PTPRG: variants seen among roughly 807,000 people sequenced by gnomAD.
PTPRG encodes the protein receptor-type tyrosine-protein phosphatase gamma.
PTPRG carries 102 observed loss-of-function variants against 165.3 expected under a neutral mutation model. That is an observed-to-expected ratio of 0.62 (90% confidence interval 0.53 to 0.73). The LOEUF (loss-of-function observed/expected upper bound fraction) is 0.73, where lower values mean the gene tolerates loss of function less well. PTPRG is among the 30% of genes least tolerant of loss of function. The pLI is 0.00. For synonymous variants in PTPRG, 675 were observed against 669.5 expected (o/e 1.01, Z -0.13); for missense variants, 1,866 against 1,861.4 (o/e 1.00, Z -0.05).
chr3:62,146,101 A>G (rs115612107), intron 6 of PTPRG, among the ~76,000 whole-genome samples: 60 of 152,348 alleles, frequency 3.9e-4, no homozygotes, highest in Admixed American at 2.3e-3. Context: ...GTTCAGTGAT[A>G]ATATTGGGTT....
chr3:61,595,086 C>T (rs532997389), intron 1 of PTPRG, among the ~76,000 whole-genome samples: 4 of 151,502 alleles, frequency 2.6e-5, no homozygotes, highest in Admixed American at 6.6e-5. Context: ...TGACGGTCTA[C>T]GTTCTTTGGT....
intron 4 of PTPRG, among the ~76,000 whole-genome samples, chr3:62,071,342 T>C (rs866793566): frequency 6.6e-6 from 1 of 152,208 alleles, no homozygotes; most frequent in Non-Finnish European, 1.5e-5. Context: ...TACTCTCATG[T>C]TGGGATCATT....
intron 1 of PTPRG, among the ~76,000 whole-genome samples, chr3:61,602,623 T>C (rs1700901024): frequency 6.6e-6 from 1 of 152,170 alleles, no homozygotes; most frequent in Non-Finnish European, 1.5e-5. Context: ...CCAGACACTG[T>C]CTATTACTAT....
In PTPRG at chr3:62,157,201, C is replaced by G. The variant is rs750173117; in HGVS notation, c.817C>G (p.Pro273Ala). The change falls in exon 7 of 30, where the codon CCC becomes GCC. Residue 273 changes from proline to alanine, a missense_variant. Around this residue, in one of 3 missense-constraint regions of PTPRG, gnomAD observed 408 missense variants for 376.2 expected, o/e 1.08. Coordinates refer to ENST00000474889, the MANE Select transcript of PTPRG (RefSeq NM_002841.4). ...EIVEWIVFRR[P>A]VPISYHQLEA... Reference sequence around the variant, plus strand: ...AGTGGAGTGGATAGTCTTCCGGAGACCCGTCCCCATCTCTTACCATCAGGT... The same window carrying G: ...AGTGGAGTGGATAGTCTTCCGGAGAGCCGTCCCCATCTCTTACCATCAGGT... 1.2e-6 allele frequency: 2 copies of G among 1,613,800 alleles called. No homozygotes were observed. Among genetic ancestry groups the G allele is most frequent in the Non-Finnish European group, 1.7e-6 (2 of 1,179,754 alleles).
chr3:61,725,107 T>G (rs1033917550), intron 1 of PTPRG, among the ~76,000 whole-genome samples: 1 of 152,184 alleles, frequency 6.6e-6, no homozygotes, highest in African/African-American at 2.4e-5. Flanking sequence ...AGTTTCATAC[T>G]TTACATTTAA....
intron 2 of PTPRG, among the ~76,000 whole-genome samples, chr3:61,946,741 G>A (rs946603783): frequency 5.3e-5 from 8 of 152,216 alleles, no homozygotes; most frequent in Non-Finnish European, 1.2e-4. Flanking sequence ...GCTCTCTTCT[G>A]TTGCAGAAAT....
chr3:61,731,197 GA>G (rs1468108598), intron 1 of PTPRG, among the ~76,000 whole-genome samples: 5 of 152,096 alleles, frequency 3.3e-5, no homozygotes, highest in Non-Finnish European at 2.9e-5. Flanking sequence ...TAGAAAAAAG[GA>G]AAAGAGAAAA....
chr3:61,969,093 G>A (rs989346254), intron 2 of PTPRG, among the ~76,000 whole-genome samples: 17 of 152,192 alleles, frequency 1.1e-4, no homozygotes, highest in African/African-American at 4.1e-4. Flanking sequence ...TTATGGGAAT[G>A]TAGTACTATA....
At position 62,293,208 on chromosome 3, in the gene PTPRG, T is replaced by C. The variant is rs777054582; in HGVS notation, c.4239T>C (p.Thr1413=). ...IYKAMLSLVS[T]KENGNGPMTV... ...AAGCAATGCTTAGCTTGGTCAGCAC[T>C]AAAGAAAATGGAAATGGTCCCATGA... The change falls in exon 30 of 30, where the codon ACT becomes ACC. Residue 1413 remains threonine (T), a synonymous_variant. Coordinates refer to ENST00000474889, the MANE Select transcript of PTPRG (RefSeq NM_002841.4). 3.1e-6 allele frequency: 5 copies of C among 1,610,662 alleles called. No homozygotes were observed. In the Admixed American group the frequency reaches 5.1e-5, roughly 16 times the overall value.
chr3:62,232,182 T>G (rs1404483921), intron 14 of PTPRG, among the ~76,000 whole-genome samples: 1 of 152,170 alleles, frequency 6.6e-6, no homozygotes, highest in Non-Finnish European at 1.5e-5. Flanking sequence ...AGATGAAATT[T>G]TAGATATCCA....
intron 2 of PTPRG, among the ~76,000 whole-genome samples, chr3:61,915,219 ACT>A (rs558300286): frequency 9.3e-4 from 141 of 152,264 alleles, no homozygotes; most frequent in Admixed American, 1.6e-3. Context: ...ACAGAGTGAG[ACT>A]CTGTCTCAAA....
intron 2 of PTPRG, chr3:61,749,505 T>A (rs2033346629): frequency 9.5e-6 from 2 of 210,628 alleles, no homozygotes; most frequent in South Asian, 1.3e-4. Flanking sequence ...ATTTTTACTT[T>A]TACCCTTTTG....
intron 6 of PTPRG, among the ~76,000 whole-genome samples, chr3:62,142,171 T>C (rs917424416): frequency 6.6e-6 from 1 of 151,844 alleles, no homozygotes; most frequent in Non-Finnish European, 1.5e-5. Context: ...GAAGTCTTTT[T>C]ACGTCTTAGC....
intron 2 of PTPRG, among the ~76,000 whole-genome samples, chr3:61,976,796 C>T (rs1172903639): frequency 6.6e-6 from 1 of 151,830 alleles, no homozygotes; most frequent in Non-Finnish European, 1.5e-5. Context: ...TTGCCTCAGC[C>T]TCCCGAGTAG....
At chr3:61,661,388 G>A (rs1702664322) in intron 1 of PTPRG, among the ~76,000 whole-genome samples, 1 of 151,862 alleles carries the variant, frequency 6.6e-6, no homozygotes, top group Non-Finnish European at 1.5e-5. Flanking sequence ...CTTGACTGTG[G>A]TGAATATCTT....
intron 1 of PTPRG, among the ~76,000 whole-genome samples, chr3:61,744,833 C>A (rs1209526477): frequency 6.6e-6 from 1 of 150,574 alleles, no homozygotes; most frequent in Non-Finnish European, 1.5e-5. Flanking sequence ...TTACTCAGGG[C>A]CATTTTCTTT....
Position 62,068,458 on chromosome 3 carries a change from C to T in PTPRG, c.520-9705C>T, listed in dbSNP as rs7626736. ...TGCAAAACAGGGCAGTAAACTCGGC[C>T]CTACTCTGTTTTGGTTTGTTTGTTT... On this transcript the variant is annotated intron_variant, in intron 4 of 29. Coordinates refer to ENST00000474889, the MANE Select transcript of PTPRG (RefSeq NM_002841.4). 3.6e-3 allele frequency among the ~76,000 whole-genome samples: 542 copies of T among 152,064 alleles called. 2 individuals are homozygous for T. The highest frequency in any genetic ancestry group is 0.012 in the African/African-American group (515 of 41,468).
intron 2 of PTPRG, among the ~76,000 whole-genome samples, chr3:61,959,007 G>T (rs556119004): frequency 6.6e-6 from 1 of 152,170 alleles, no homozygotes; most frequent in Non-Finnish European, 1.5e-5. Context: ...CTCCTGTGCC[G>T]CACTCACTAT....
intron 16 of PTPRG, chr3:62,260,764 C>T (rs1172066026): frequency 1.3e-5 from 2 of 152,146 alleles, no homozygotes; most frequent in Non-Finnish European, 2.9e-5. Flanking sequence ...ATGATATTAT[C>T]AGCATCTAAA....
Sources: allele counts gnomAD v4.1 joint callset (sites outside exome capture counted in the v4.1 genomes callset), GRCh38; gene constraint gnomAD v4.1.1; regional missense constraint gnomAD v4.1.1; transcripts MANE v1.5; gene names NCBI Gene and HGNC (gene_info 2026-07-23, HGNC 2026-07-21).